The following ASXL1 variants were observed in gnomAD, a reference collection of about 807,000 sequenced individuals.
The protein encoded by ASXL1 is polycomb group protein ASXL1.
A neutral mutation model predicts 89.1 loss-of-function variants in ASXL1; 65 were observed. The ratio of observed to expected loss-of-function variants is 0.73; its 90% CI spans 0.60 to 0.90. ASXL1 has a LOEUF of 0.90. Among genes scored for constraint, ASXL1 ranks in the 40% least tolerant of loss-of-function variants. The pLI is 0.00. For synonymous variants in ASXL1, 739 were observed against 746.9 expected, an observed-to-expected ratio of 0.99 and a Z score of 0.17; for missense variants, 1,786 against 1,942.9, an observed-to-expected ratio of 0.92 and a Z score of 1.52.
At chr20:32,359,775 C>T (rs919102604) in intron 1 of ASXL1, 6 of 718,074 alleles carry the variant, frequency 8.4e-6, no homozygotes, top group Admixed American at 2.0e-5. Flanking sequence ...GTGTTCAGAG[C>T]GTCAGAGGAC....
intron 4 of ASXL1, among the ~76,000 whole-genome samples, chr20:32,402,812 G>A (rs1274912166): frequency 6.6e-6 from 1 of 152,078 alleles, no homozygotes; most frequent in African/African-American, 2.4e-5. Flanking sequence ...TTTTCTTACT[G>A]TTGAGTGTTC....
chr20:32,438,612 T>C lies in ASXL1; in HGVS notation c.*1274T>C. The C allele has an allele frequency of 4.3e-6, 1 of 233,610 alleles. No homozygotes were observed. The highest frequency in any genetic ancestry group is 8.5e-6 in the Non-Finnish European group (1 of 117,982). 14.5% of individuals were successfully genotyped at this position (233,610 alleles called of 1,614,324 possible). On this transcript the variant is annotated 3_prime_UTR_variant, in exon 13 of 13. Coordinates refer to ENST00000375687, the MANE Select transcript of ASXL1 (RefSeq NM_015338.6). ...TTTCACATCTCTCCTCCTACAGCCTTAATGGCTGCTTGCTGCCATATGTGA... is the reference window on the plus strand; with the variant it reads ...TTTCACATCTCTCCTCCTACAGCCTCAATGGCTGCTTGCTGCCATATGTGA...
At chr20:32,366,620 C>A in intron 2 of ASXL1, 154 bp downstream of exon 2, 1 of 943,510 alleles carries the variant, frequency 1.1e-6, no homozygotes, top group Non-Finnish European at 1.3e-6. Context: ...TGTGTGTCGT[C>A]TCAGTGGAGG....
chr20:32,398,837 C>T (rs530512533), intron 4 of ASXL1, among the ~76,000 whole-genome samples: 13 of 151,550 alleles, frequency 8.6e-5, no homozygotes, highest in Admixed American at 2.6e-4. Flanking sequence ...TCTCGATCTC[C>T]TGACCTCGTG....
chr20:32,436,775 G>C lies in ASXL1; in HGVS notation c.4063G>C (p.Asp1355His), dbSNP rs897163423. ...MSGGVQTPRE[D>H]WAPKPHAFVG... ...TGGTGGGGTACAGACTCCAAGGGAA[G>C]ACTGGGCTCCAAAGCCACATGCCTT... The change falls in exon 13 of 13, where the codon GAC (aspartate) becomes CAC (histidine). Residue 1355 changes from aspartate (D) to histidine (H), a missense_variant. Transcript: ENST00000375687. 1 of 1,614,206 alleles carries C rather than the reference G, an allele frequency of 6.2e-7. No individual in the cohort carries two copies. The highest frequency in any genetic ancestry group is 1.3e-5 in the African/African-American group (1 of 75,078).
intron 1 of ASXL1, among the ~76,000 whole-genome samples, chr20:32,362,091 C>T (rs2048122815): frequency 1.3e-5 from 2 of 152,028 alleles, no homozygotes; most frequent in Admixed American, 6.6e-5. Context: ...AAAAACCAGT[C>T]CTCTTAATGT....
intron 4 of ASXL1, among the ~76,000 whole-genome samples, chr20:32,410,992 A>G (rs1426877864): frequency 7.1e-6 from 1 of 141,546 alleles, no homozygotes; most frequent in African/African-American, 2.6e-5. Context: ...AGATCGTGCC[A>G]CTGCACTCCA....
chr20:32,408,845 A>T (rs1438356477), intron 4 of ASXL1, among the ~76,000 whole-genome samples: 1 of 152,128 alleles, frequency 6.6e-6, no homozygotes, highest in Admixed American at 6.6e-5. Flanking sequence ...ATTTTTTTTC[A>T]ATCCATGAAC....
chr20:32,383,041 A>G (rs1014857812), intron 4 of ASXL1, among the ~76,000 whole-genome samples: 13 of 152,142 alleles, frequency 8.5e-5, no homozygotes, highest in Non-Finnish European at 1.6e-4. Flanking sequence ...TGAGGTTAGA[A>G]CCCAGGACCC....
At chr20:32,376,184 T>C (rs2048374656) in intron 4 of ASXL1, among the ~76,000 whole-genome samples, 1 of 152,154 alleles carries the variant, frequency 6.6e-6, no homozygotes, top group African/African-American at 2.4e-5. Context: ...GCTAGTTTGG[T>C]GAGTGTCTTG....
intron 8 of ASXL1, 163 bp downstream of exon 8, chr20:32,430,216 T>A (rs763332488): frequency 3.4e-4 from 322 of 957,392 alleles, no homozygotes; most frequent in Non-Finnish European, 4.4e-4. Flanking sequence ...TTATTTCATT[T>A]GTAGCTCTCT....
intron 4 of ASXL1, among the ~76,000 whole-genome samples, chr20:32,414,548 T>TA (rs1388218036): frequency 5.3e-5 from 8 of 152,226 alleles, no homozygotes; most frequent in Non-Finnish European, 1.0e-4. Flanking sequence ...ATATCTTATT[T>TA]TAAAAAAAGC....
intron 1 of ASXL1, among the ~76,000 whole-genome samples, chr20:32,364,567 C>T (rs2048175601): frequency 6.6e-6 from 1 of 152,160 alleles, no homozygotes; most frequent in African/African-American, 2.4e-5. Flanking sequence ...CTGTGTTACC[C>T]AGGCTGGAGT....
At chr20:32,410,284 A>G (rs931838389) in intron 4 of ASXL1, among the ~76,000 whole-genome samples, 5 of 152,110 alleles carry the variant, frequency 3.3e-5, no homozygotes, top group Non-Finnish European at 5.9e-5. Flanking sequence ...TGTACTTTTG[A>G]TAAATTTTAT....
At chr20:32,375,665 AGTTT>A (rs148957641) in intron 4 of ASXL1, among the ~76,000 whole-genome samples, 2 of 151,366 alleles carry the variant, frequency 1.3e-5, no homozygotes, top group Admixed American at 6.6e-5. Context: ...AGAAGTAAGT[AGTTT>A]GTTTTTTTTG....
At position 32,433,435 on chromosome 20, in the gene ASXL1, C is replaced by T. The variant is rs1272820357; in HGVS notation, c.1237C>T (p.Arg413Trp). The change falls in exon 12 of 13, where the codon CGG becomes TGG. Residue 413 changes from arginine to tryptophan, a missense_variant. By Grantham distance (101) the Arg-to-Trp change is moderately radical. This residue lies in a region of ASXL1 where 1,418 missense variants were observed against 1,427.8 expected (regional missense o/e 0.99). Transcript: ENST00000375687. ...AGATGGGCATTTTAAGAAACGCTCTCGGCCAGATCTCCGAACCAGAGCCAG... is the reference window on the plus strand; with the variant it reads ...AGATGGGCATTTTAAGAAACGCTCTTGGCCAGATCTCCGAACCAGAGCCAG... ...QRDGHFKKRS[R>W]PDLRTRARRN... 15 of 1,614,042 alleles carry T rather than the reference C, an allele frequency of 9.3e-6. No homozygotes were observed. Among genetic ancestry groups the T allele is most frequent in the South Asian group, 7.7e-5 (7 of 91,088 alleles).
chr20:32,360,181 T>C (rs1379260029), intron 1 of ASXL1: 4 of 195,744 alleles, frequency 2.0e-5, no homozygotes, highest in Admixed American at 1.1e-4. Flanking sequence ...GAATTTGGGC[T>C]ACAGAATTTT....
chr20:32,365,621 T>A (rs1354265854), intron 1 of ASXL1, among the ~76,000 whole-genome samples: 2 of 152,184 alleles, frequency 1.3e-5, no homozygotes, highest in African/African-American at 4.8e-5. Flanking sequence ...TTTAGAAGAA[T>A]AACATATCTA....
rs2145359956 is a variant in ASXL1, at chr20:32,434,687, G to A, written c.1975G>A (p.Gly659Ser). 3 of 1,605,058 alleles carry A rather than the reference G, an allele frequency of 1.9e-6. No individual in the cohort carries two copies. The highest frequency in any genetic ancestry group is 2.6e-6 in the Non-Finnish European group (3 of 1,175,982). The change falls in exon 13 of 13, where the codon GGT (glycine) becomes AGT (serine). Residue 659 changes from glycine (G) to serine (S), a missense_variant. Around this residue, in one of 3 missense-constraint regions of ASXL1, gnomAD observed 1,418 missense variants for 1,427.8 expected, o/e 0.99. Coordinates refer to ENST00000375687, the MANE Select transcript of ASXL1 (RefSeq NM_015338.6). ...TGGCGGCGGGGCCACCGATGAGGGAGGTGGCAGAGGCAGCAGCAGTGGTGA... is the reference window on the plus strand; with the variant it reads ...TGGCGGCGGGGCCACCGATGAGGGAAGTGGCAGAGGCAGCAGCAGTGGTGA... The part of the protein sequence containing the change: ...GGGGGATDEG[G>S]GRGSSSGDGG...
Sources: gnomAD v4.1 joint callset for allele counts (sites outside exome capture counted in the v4.1 genomes callset) on GRCh38, gnomAD v4.1.1 for gene constraint, gnomAD v4.1.1 regional missense constraint, MANE v1.5 for transcripts, NCBI Gene and HGNC (gene_info 2026-07-23, HGNC 2026-07-21) for gene names.